Variants in SCAMP5 observed in about 807,000 individuals in gnomAD.
The protein encoded by SCAMP5 is secretory carrier membrane protein 5.
In SCAMP5, 7 loss-of-function variants were observed where a neutral mutation model predicts 28.3. The observed-to-expected ratio is 0.25, with a 90% CI of 0.14 to 0.46. The LOEUF (loss-of-function observed/expected upper bound fraction) is 0.46. Ranked by LOEUF, SCAMP5 falls within the 20% of genes least tolerant of loss-of-function variation. SCAMP5 has a pLI of 0.99. For missense variants in SCAMP5, 192 were observed against 312.5 expected, an observed-to-expected ratio of 0.61 and a Z score of 2.91; for synonymous variants, 117 against 116.4, an observed-to-expected ratio of 1.00 and a Z score of -0.03.
chr15:75,013,052 A>C, intron 3 of SCAMP5: 6 of 516,300 alleles, frequency 1.2e-5, no homozygotes, highest in South Asian at 4.6e-5. Context: ...CTTCCCCTCC[A>C]CCCTCCTTTC....
chr15:74,998,494 T>A (rs981887850), intron 1 of SCAMP5, among the ~76,000 whole-genome samples: 4 of 151,532 alleles, frequency 2.6e-5, no homozygotes, highest in African/African-American at 9.7e-5. Flanking sequence ...TAATCCCAGT[T>A]ACTAGGGAAG....
At chr15:75,012,901 T>C in intron 3 of SCAMP5, 96 bp downstream of exon 3, 1 of 1,196,446 alleles carries the variant, frequency 8.4e-7, no homozygotes, top group Non-Finnish European at 1.2e-6. Context: ...CAGGCCTGAC[T>C]GTCCTTCAGT....
chr15:75,005,475 A>G (rs1450035154), intron 1 of SCAMP5, among the ~76,000 whole-genome samples: 2 of 152,040 alleles, frequency 1.3e-5, no homozygotes, highest in Admixed American at 1.3e-4. Context: ...AAAAAAAAAA[A>G]AATTCTGCCA....
chr15:75,000,081 G>GTTT (rs2065689722), intron 1 of SCAMP5, among the ~76,000 whole-genome samples: 1 of 152,104 alleles, frequency 6.6e-6, no homozygotes, highest in South Asian at 2.1e-4. Flanking sequence ...AGATCAGACT[G>GTTT]TTAAAGGGGT....
intron 4 of SCAMP5, 45 bp downstream of exon 4, chr15:75,016,794 T>G (rs2065863356): frequency 6.7e-7 from 1 of 1,482,408 alleles, no homozygotes; most frequent in African/African-American, 1.4e-5. Context: ...TCTCTGCCCA[T>G]CTCCCCTGTC....
chr15:75,012,866 G>C, intron 3 of SCAMP5, 61 bp downstream of exon 3: 1 of 1,575,252 alleles, frequency 6.3e-7, no homozygotes, highest in Admixed American at 1.7e-5. Context: ...GACTGGGCGT[G>C]CTGGGCAGCG....
intron 1 of SCAMP5, among the ~76,000 whole-genome samples, chr15:74,998,477 A>C (rs1042021857): frequency 3.9e-5 from 6 of 152,050 alleles, no homozygotes; most frequent in African/African-American, 1.4e-4. Context: ...ATGGTGGTGC[A>C]CGCCTGTAAT....
At chr15:75,015,979 C>T (rs1207692838) in intron 3 of SCAMP5, among the ~76,000 whole-genome samples, 1 of 151,846 alleles carries the variant, frequency 6.6e-6, no homozygotes, top group African/African-American at 2.4e-5. Context: ...AGATTCCAGC[C>T]GCCAATGCCT....
chr15:75,007,229 G>A (rs989299469), intron 1 of SCAMP5, among the ~76,000 whole-genome samples: 1 of 152,012 alleles, frequency 6.6e-6, no homozygotes, highest in Non-Finnish European at 1.5e-5. Context: ...ACCTTTCCGC[G>A]GTCTGAATTG....
chr15:75,015,706 A>C (rs2065853063), intron 3 of SCAMP5, among the ~76,000 whole-genome samples: 2 of 152,154 alleles, frequency 1.3e-5, no homozygotes, highest in African/African-American at 4.8e-5. Flanking sequence ...CGGGTGGATC[A>C]CCTGAGGTCA....
rs948534365 is a variant in SCAMP5 at position 75,018,999 on chromosome 15, C to G, written c.*16C>G. The G allele has an allele frequency of 1.3e-6, 2 of 1,482,820 alleles. No individual in the cohort carries two copies. The highest frequency in any genetic ancestry group is 1.8e-6 in the Non-Finnish European group (2 of 1,118,682). The allele number at this position is 1,482,820 out of a possible 1,614,324, so 91.9% of individuals were successfully genotyped here. ...TGAGATGTGAACCAGCCACGCCTAC[C>G]AGGTGGCAGAGCTGGGGCCATTGGG... On this transcript the variant is annotated 3_prime_UTR_variant, in exon 7 of 7. Transcript: ENST00000425597. This position sits in a 1 kb window ranked among gnomAD's most constrained non-coding sequence, Gnocchi z 5.6.
chr15:75,001,869 CAAAAAAAAAAAA>C (rs769760180), intron 1 of SCAMP5, among the ~76,000 whole-genome samples: 14 of 40,462 alleles, frequency 3.5e-4, no homozygotes, highest in East Asian at 1.2e-3. Flanking sequence ...GACTCGGTCT[CAAAAAAAAAAAA>C]AAAAAAAAAA....
At chr15:75,010,753 C>G (rs1171205897) in intron 1 of SCAMP5, among the ~76,000 whole-genome samples, 1 of 151,992 alleles carries the variant, frequency 6.6e-6, no homozygotes, top group African/African-American at 2.4e-5. Flanking sequence ...TTACTCCAGC[C>G]TGGGTGACAG....
Position 75,019,093 on chromosome 15 carries a change from C to T in SCAMP5, c.*110C>T. The T allele has an allele frequency of 1.5e-6, 1 of 653,094 alleles. No individual in the cohort carries two copies. 40.5% of individuals were successfully genotyped at this position (653,094 alleles called of 1,614,324 possible). On this transcript the variant is annotated 3_prime_UTR_variant, in exon 7 of 7. Coordinates refer to ENST00000425597, the MANE Select transcript of SCAMP5 (RefSeq NM_138967.4). ...GGTTCCCCCTTCCCTTTTCTCCTTC[C>T]CTACTTTGTACAAAGGACCAGAGTT...
rs754423270 is a variant in SCAMP5 at position 75,018,569 on chromosome 15, T to A, written c.513+34T>A. The A allele has an allele frequency of 6.9e-6, 10 of 1,446,476 alleles. No individual in the cohort carries two copies. The highest frequency in any genetic ancestry group is 1.7e-5 in the Admixed American group (1 of 59,692). The allele number at this position is 1,446,476 out of a possible 1,614,324, so 89.6% of individuals were successfully genotyped here. On this transcript the variant is annotated intron_variant, in intron 6 of 6. Coordinates refer to ENST00000425597, the MANE Select transcript of SCAMP5 (RefSeq NM_138967.4). This position sits in a 1 kb window ranked among gnomAD's most constrained non-coding sequence, Gnocchi z 5.6. ...TCCCCTCAAGGGTGAGAAGGTGGCT[T>A]TGGGAAGGGGCCATGTTCTGAAACA... is the stretch of plus-strand genomic sequence containing the variant.
In SCAMP5 at chr15:75,019,691, T is replaced by C. The variant is rs1281524207; in HGVS notation, c.*708T>C. The C allele has an allele frequency of 6.5e-6, 1 of 152,736 alleles. No homozygotes were observed. Among genetic ancestry groups the C allele is most frequent in the Non-Finnish European group, 1.5e-5 (1 of 68,140 alleles). 9.5% of individuals were successfully genotyped at this position (152,736 alleles called of 1,614,324 possible). On this transcript the variant is annotated 3_prime_UTR_variant, in exon 7 of 7. Transcript: ENST00000425597. ...GGCTGAGTGTCCCAGTTTTATCTGCTCCTGAGACTGAGCCCAGATCCCCAA... is the reference window on the plus strand; with the variant it reads ...GGCTGAGTGTCCCAGTTTTATCTGCCCCTGAGACTGAGCCCAGATCCCCAA...
Position 75,020,899 on chromosome 15 carries a change from A to G in SCAMP5, c.*1916A>G, listed in dbSNP as rs920571242. The G allele has an allele frequency of 3.3e-5, 5 of 151,646 alleles. No homozygotes were observed. The highest frequency in any genetic ancestry group is 1.2e-4 in the African/African-American group (5 of 41,198). The allele number at this position is 151,646 out of a possible 1,614,324, so 9.4% of individuals were successfully genotyped here. Reference sequence around the variant, plus strand: ...AATATAATTGCCTCTCCCCTCTCCCATTTTCTCTCTTGGGAGCAATGGTCA... The same window carrying G: ...AATATAATTGCCTCTCCCCTCTCCCGTTTTCTCTCTTGGGAGCAATGGTCA... On this transcript the variant is annotated 3_prime_UTR_variant, in exon 7 of 7. Transcript: ENST00000425597.
chr15:75,011,271 G>A (rs780217657), intron 1 of SCAMP5, among the ~76,000 whole-genome samples: 1 of 152,102 alleles, frequency 6.6e-6, no homozygotes, highest in Non-Finnish European at 1.5e-5. Flanking sequence ...AGATCACCAG[G>A]ACATGATGTG....
chr15:75,018,434 A>T lies in SCAMP5; in HGVS notation c.412A>T (p.Ile138Phe), dbSNP rs779462597. ...TTCCTGCAGCGGCTGGATTGCTACC[A>T]TCTCCTTCTTCGGAACGAACATTGG... Reference protein sequence around the residue: ...GWGVCGWIATISFFGTNIGSA... With the variant: ...GWGVCGWIATFSFFGTNIGSA... The change falls in exon 6 of 7, where the codon ATC (isoleucine) becomes TTC (phenylalanine). Residue 138 changes from isoleucine (I) to phenylalanine (F), a missense_variant. By Grantham distance (21) the Ile-to-Phe change is conservative. Transcript: ENST00000425597. The surrounding 1 kb of genome is among the most constrained non-coding windows in gnomAD (Gnocchi z 5.6). 6.2e-7 allele frequency: 1 copy of T among 1,613,146 alleles called. No homozygotes were observed. The highest frequency in any genetic ancestry group is 8.5e-7 in the Non-Finnish European group (1 of 1,179,284).
Sources: gnomAD v4.1 joint callset for allele counts (sites outside exome capture counted in the v4.1 genomes callset) on GRCh38, gnomAD v4.1.1 for gene constraint, Gnocchi (gnomAD v3.1) non-coding constraint, MANE v1.5 for transcripts, NCBI Gene and HGNC (gene_info 2026-07-23, HGNC 2026-07-21) for gene names.